Variants in LDB2 observed in about 807,000 individuals in gnomAD.
The protein encoded by LDB2 is LIM domain-binding protein 2.
Under a neutral mutation model 44.3 loss-of-function variants are expected in LDB2, and 12 were observed. The observed-to-expected ratio is 0.27, with a 90% confidence interval of 0.17 to 0.44. LDB2 has a LOEUF of 0.44. Ranked by LOEUF, LDB2 falls within the 20% of genes least tolerant of loss-of-function variation. LDB2 has a pLI of 1.00. For synonymous variants in LDB2, 164 were observed against 174.8 expected (o/e 0.94, Z 0.49); for missense variants, 344 against 473.5 (o/e 0.73, Z 2.54).
intron 5 of LDB2, among the ~76,000 whole-genome samples, chr4:16,563,810 A>C (rs181687806): frequency 3.9e-5 from 6 of 152,132 alleles, no homozygotes; most frequent in African/African-American, 1.2e-4. Context: ...CAATCACACC[A>C]TGGCGGACCT....
At chr4:16,812,631 A>ATATGTGTGTG (rs71649984) in intron 1 of LDB2, among the ~76,000 whole-genome samples, 4 of 126,024 alleles carry the variant, frequency 3.2e-5, no homozygotes, top group East Asian at 2.2e-4. Context: ...TATTAAATAT[A>ATATGTGTGTG]TGTGTGTGTG....
chr4:16,714,444 T>C (rs1249989109), intron 2 of LDB2, among the ~76,000 whole-genome samples: 1 of 152,104 alleles, frequency 6.6e-6, no homozygotes, highest in East Asian at 1.9e-4. Context: ...TTGAGGTGCT[T>C]TTGCTGCCAG....
intron 2 of LDB2, among the ~76,000 whole-genome samples, chr4:16,665,943 G>A (rs757965247): frequency 4.6e-5 from 7 of 152,250 alleles, no homozygotes; most frequent in South Asian, 2.1e-4. Flanking sequence ...TACAAGCCCC[G>A]GAATGTTGAA....
intron 5 of LDB2, among the ~76,000 whole-genome samples, chr4:16,565,340 A>AATT (rs1446745229): frequency 3.9e-5 from 6 of 152,200 alleles, no homozygotes; most frequent in African/African-American, 1.4e-4. Flanking sequence ...AATAAGCATC[A>AATT]ATTATTCTTA....
At chr4:16,860,715 T>C (rs1392934361) in intron 1 of LDB2, among the ~76,000 whole-genome samples, 1 of 152,256 alleles carries the variant, frequency 6.6e-6, no homozygotes, top group Admixed American at 6.5e-5. Flanking sequence ...ACTTGCTTCA[T>C]GACCAGACTA....
chr4:16,627,259 A>G (rs1010751397), intron 2 of LDB2, among the ~76,000 whole-genome samples: 1 of 152,198 alleles, frequency 6.6e-6, no homozygotes, highest in Admixed American at 6.5e-5. Flanking sequence ...GTAAATCATC[A>G]TCGAAGATAC....
intron 1 of LDB2, among the ~76,000 whole-genome samples, chr4:16,824,799 C>G (rs576022698): frequency 1.4e-4 from 22 of 152,340 alleles, no homozygotes; most frequent in Admixed American, 1.2e-3. Context: ...TTCCTTAACT[C>G]AACACATGGT....
chr4:16,807,246 T>C (rs1350493003), intron 1 of LDB2, among the ~76,000 whole-genome samples: 1 of 152,262 alleles, frequency 6.6e-6, no homozygotes, highest in Admixed American at 6.5e-5. Context: ...ACTTGAAAGA[T>C]GTTAACAGTA....
intron 5 of LDB2, among the ~76,000 whole-genome samples, chr4:16,572,583 A>G (rs1226458076): frequency 2.0e-5 from 3 of 151,894 alleles, no homozygotes; most frequent in Non-Finnish European, 2.9e-5. Flanking sequence ...TGTTTTGTAT[A>G]TATATGTGTG....
intron 1 of LDB2, among the ~76,000 whole-genome samples, chr4:16,799,669 C>T (rs969314813): frequency 3.9e-5 from 6 of 152,182 alleles, no homozygotes; most frequent in African/African-American, 1.4e-4. Context: ...AATGCAGTCT[C>T]AGGGTTCCTG....
At chr4:16,739,702 A>G (rs191041692) in intron 2 of LDB2, among the ~76,000 whole-genome samples, 864 of 84,520 alleles carry the variant, frequency 0.01, 41 homozygotes, top group South Asian at 0.022. Flanking sequence ...ATATACATAT[A>G]TGTGTATATA....
intron 2 of LDB2, among the ~76,000 whole-genome samples, chr4:16,686,785 G>A (rs1578778369): frequency 6.6e-6 from 1 of 152,168 alleles, no homozygotes; most frequent in East Asian, 1.9e-4. Flanking sequence ...GTTGCCAGTA[G>A]CATATAGGTC....
At chr4:16,767,622 C>T (rs537152997) in intron 1 of LDB2, among the ~76,000 whole-genome samples, 1 of 152,254 alleles carries the variant, frequency 6.6e-6, no homozygotes, top group Middle Eastern at 3.4e-3. Context: ...ATTCTTTTCC[C>T]CAAAGCTAGA....
At chr4:16,710,438 GC>G (rs1184758088) in intron 2 of LDB2, among the ~76,000 whole-genome samples, 1 of 152,126 alleles carries the variant, frequency 6.6e-6, no homozygotes, top group African/African-American at 2.4e-5. Context: ...CCTGGAGTTG[GC>G]CTTGTCAGTA....
chr4:16,581,366 T>C (rs1224739752), intron 5 of LDB2: 2 of 969,462 alleles, frequency 2.1e-6, no homozygotes, highest in Non-Finnish European at 2.5e-6. Context: ...ACATACTGTT[T>C]AACTTACTCC....
chr4:16,863,961 A>C (rs1185533277), intron 1 of LDB2, among the ~76,000 whole-genome samples: 1 of 152,036 alleles, frequency 6.6e-6, no homozygotes, highest in Non-Finnish European at 1.5e-5. Context: ...CGCCTGGCAC[A>C]TTCTCTTCTT....
At chr4:16,585,899 T>C (rs749175332) in intron 5 of LDB2, 23 bp downstream of exon 5, 1 of 1,595,810 alleles carries the variant, frequency 6.3e-7, no homozygotes, top group Non-Finnish European at 8.6e-7. Context: ...CACCAAAAAA[T>C]AAAATCATTC....
chr4:16,653,216 T>C (rs1360348998), intron 2 of LDB2, among the ~76,000 whole-genome samples: 1 of 152,184 alleles, frequency 6.6e-6, no homozygotes, highest in African/African-American at 2.4e-5. Flanking sequence ...CTGTCTCACC[T>C]TTCCTGACTT....
intron 6 of LDB2, among the ~76,000 whole-genome samples, chr4:16,511,587 A>G (rs1440706535): frequency 1.4e-5 from 2 of 146,954 alleles, no homozygotes; most frequent in African/African-American, 5.1e-5. Context: ...CCTTTTCATA[A>G]TGTCTGTCAT....
Sources: allele counts gnomAD v4.1 joint callset (sites outside exome capture counted in the v4.1 genomes callset), GRCh38; gene constraint gnomAD v4.1.1; transcripts MANE v1.5; gene names NCBI Gene and HGNC (gene_info 2026-07-23, HGNC 2026-07-21).